The following LMX1B variants were observed in gnomAD, a reference collection of about 807,000 sequenced individuals.
LMX1B encodes LIM homeobox transcription factor 1 beta, also known as LIM homeobox transcription factor 1-beta.
A neutral mutation model predicts 51.4 loss-of-function variants in LMX1B; 12 were observed. The ratio of observed to expected loss-of-function variants is 0.23; its 90% CI spans 0.15 to 0.38. LMX1B has a LOEUF of 0.38. Among genes scored for constraint, LMX1B ranks in the 10% least tolerant of loss-of-function variants. The pLI, the probability that LMX1B is intolerant of heterozygous loss-of-function variation, is 1.00. For synonymous variants in LMX1B, 237 were observed against 235.4 expected (o/e 1.01, Z -0.06); for missense variants, 445 against 571.1 (o/e 0.78, Z 2.25).
Position 126,681,576 on chromosome 9 carries a change from C to CA in LMX1B, c.327-9260_327-9259insA, listed in dbSNP as rs1836672155. Among the ~76,000 whole-genome samples, 3 of 152,144 alleles carry CA rather than the reference C, an allele frequency of 2.0e-5. No individual in the cohort carries two copies. In the South Asian group the frequency reaches 6.2e-4, roughly 32 times the overall value. On this transcript the variant is annotated intron_variant, in intron 2 of 7. Coordinates refer to ENST00000373474, the MANE Select transcript of LMX1B (RefSeq NM_001174147.2). ...CTGCTCCTCCCTCTAACCCGGTGCC[C>CA]CCCCTACAGGTGCCTAAGGAACCTG...
In LMX1B at chr9:126,671,163, T is replaced by C. The variant is rs181895625; in HGVS notation, c.327-19673T>C. On this transcript the variant is annotated intron_variant, in intron 2 of 7. Coordinates refer to ENST00000373474, the MANE Select transcript of LMX1B (RefSeq NM_001174147.2). The surrounding 1 kb of genome is among the most constrained non-coding windows in gnomAD (Gnocchi z 4.4). Reference sequence around the variant, plus strand: ...CCAGCTCACCAGCCGTTGGCAGGAATTCAATCCCACCCCAGTAAACCCAGC... The same window carrying C: ...CCAGCTCACCAGCCGTTGGCAGGAACTCAATCCCACCCCAGTAAACCCAGC... 6.2e-4 allele frequency among the ~76,000 whole-genome samples: 95 copies of C among 152,266 alleles called. 3 individuals are homozygous for C. The East Asian group carries it at 0.016, about 25-fold the overall frequency.
chr9:126,620,285 G>A (rs1221619819), intron 2 of LMX1B, among the ~76,000 whole-genome samples: 3 of 152,140 alleles, frequency 2.0e-5, no homozygotes, highest in African/African-American at 7.2e-5. Context: ...CTTTAGACTC[G>A]GAGTCAGACC....
In LMX1B at chr9:126,614,339, C is replaced by T; in HGVS notation, c.-111C>T. The T allele has an allele frequency of 5.3e-6, 4 of 749,398 alleles. No individual in the cohort carries two copies. The highest frequency in any genetic ancestry group is 6.6e-6 in the Non-Finnish European group (4 of 605,852). The allele number at this position is 749,398 out of a possible 1,614,324, so 46.4% of individuals were successfully genotyped here. Reference sequence around the variant, plus strand: ...CGCCGGGGGCCGGCGCAACCCCTGCCCTGCGGGGGCCGCGCCTCCCCGGTT... The same window carrying T: ...CGCCGGGGGCCGGCGCAACCCCTGCTCTGCGGGGGCCGCGCCTCCCCGGTT... On this transcript the variant is annotated 5_prime_UTR_variant, in exon 1 of 8. Coordinates refer to ENST00000373474, the MANE Select transcript of LMX1B (RefSeq NM_001174147.2).
rs1836153316 is a variant in LMX1B, at chr9:126,658,079, A to C, written c.327-32757A>C. Among the ~76,000 whole-genome samples the C allele has an allele frequency of 2.6e-5, 4 of 152,014 alleles. No homozygotes were observed. The highest frequency in any genetic ancestry group is 6.6e-5 in the Admixed American group (1 of 15,262). ...ATGGGGAGGTCTTAGAAGAGGGGCC[A>C]AGGGACCTGAGTGGGAACAACCAAG... On this transcript the variant is annotated intron_variant, in intron 2 of 7. Transcript: ENST00000373474. The surrounding 1 kb of genome is among the most constrained non-coding windows in gnomAD (Gnocchi z 4.0).
At chr9:126,660,166 C>T (rs1451578388) in intron 2 of LMX1B, among the ~76,000 whole-genome samples, 15 of 94,208 alleles carry the variant, frequency 1.6e-4, no homozygotes, top group African/African-American at 2.3e-4. Context: ...TAGAGATTGT[C>T]CTGTGTGGGG....
At chr9:126,684,164 C>T (rs1836729117) in intron 2 of LMX1B, among the ~76,000 whole-genome samples, 1 of 152,132 alleles carries the variant, frequency 6.6e-6, no homozygotes, top group Non-Finnish European at 1.5e-5. Flanking sequence ...AAGGTGTTTC[C>T]AGCAGTGGTT....
chr9:126,683,785 A>G (rs1836721526), intron 2 of LMX1B, among the ~76,000 whole-genome samples: 2 of 152,220 alleles, frequency 1.3e-5, no homozygotes, highest in African/African-American at 4.8e-5. Context: ...CAAATGGGAA[A>G]ACCAGTTCAG....
intron 2 of LMX1B, among the ~76,000 whole-genome samples, chr9:126,639,009 T>G (rs1835763709): frequency 7.2e-6 from 1 of 138,268 alleles, no homozygotes. Context: ...GAAGGAGAAT[T>G]GGAGAGGAGA....
chr9:126,690,802 G>C, intron 2 of LMX1B, 34 bp from the exon 3 acceptor site: 1 of 1,561,264 alleles, frequency 6.4e-7, no homozygotes, highest in Middle Eastern at 1.7e-4. Context: ...GGACTTCTGA[G>C]CACCGCCAAC....
intron 3 of LMX1B, 56 bp from the exon 4 acceptor site, chr9:126,693,086 C>A: frequency 2.0e-6 from 3 of 1,527,276 alleles, no homozygotes; most frequent in Non-Finnish European, 1.8e-6. Flanking sequence ...GGGGACAAGG[C>A]TGAGGCCTGG....
intron 3 of LMX1B, among the ~76,000 whole-genome samples, chr9:126,691,537 T>C (rs531872381): frequency 6.9e-4 from 105 of 152,328 alleles, no homozygotes; most frequent in African/African-American, 2.5e-3. Flanking sequence ...GCTGCACATA[T>C]ATGTTTGTCC....
chr9:126,628,361 T>C (rs182580782), intron 2 of LMX1B, among the ~76,000 whole-genome samples: 1 of 152,326 alleles, frequency 6.6e-6, no homozygotes, highest in African/African-American at 2.4e-5. Flanking sequence ...AGAGGACATG[T>C]GGTTTGGGTC....
chr9:126,682,083 CTTTTTT>C (rs71377953), intron 2 of LMX1B, among the ~76,000 whole-genome samples: 8 of 53,380 alleles, frequency 1.5e-4, no homozygotes, highest in African/African-American at 4.3e-4. Flanking sequence ...TCCCCAGGGT[CTTTTTT>C]TTTTTTTTTT....
In LMX1B at chr9:126,658,512, ATCC is replaced by A. The variant is rs1430953939; in HGVS notation, c.327-32321_327-32319del. Reference sequence around the variant, plus strand: ...AAGGACTAATTAGATATAATTCATTATCCTCAAAAATGAGATCAGAAATCAGGA... The same window carrying A: ...AAGGACTAATTAGATATAATTCATTATCAAAAATGAGATCAGAAATCAGGA... On this transcript the variant is annotated intron_variant, in intron 2 of 7. Coordinates refer to ENST00000373474, the MANE Select transcript of LMX1B (RefSeq NM_001174147.2). This position sits in a 1 kb window ranked among gnomAD's most constrained non-coding sequence, Gnocchi z 4.0. 6.6e-6 allele frequency among the ~76,000 whole-genome samples: 1 copy of A among 152,180 alleles called. No individual in the cohort carries two copies. The highest frequency in any genetic ancestry group is 1.5e-5 in the Non-Finnish European group (1 of 68,046).
chr9:126,647,042 T>C (rs959472972), intron 2 of LMX1B, among the ~76,000 whole-genome samples: 1 of 152,166 alleles, frequency 6.6e-6, no homozygotes, highest in Non-Finnish European at 1.5e-5. Context: ...TGACCAAATA[T>C]TGTTTTAAAA....
intron 2 of LMX1B, among the ~76,000 whole-genome samples, chr9:126,678,322 C>A (rs2417028): frequency 0.12 from 13,988 of 119,074 alleles, 809 homozygotes; most frequent in African/African-American, 0.24. Context: ...AAAAAAAAAA[C>A]AAAAAACAAA....
chr9:126,616,660 C>G (rs1835308368), intron 2 of LMX1B, among the ~76,000 whole-genome samples: 1 of 152,186 alleles, frequency 6.6e-6, no homozygotes, highest in South Asian at 2.1e-4. Flanking sequence ...TGTGTATGCC[C>G]AAGCCTCCAG....
At chr9:126,647,035 C>G (rs1835915301) in intron 2 of LMX1B, among the ~76,000 whole-genome samples, 1 of 152,162 alleles carries the variant, frequency 6.6e-6, no homozygotes, top group Non-Finnish European at 1.5e-5. Flanking sequence ...ACTCTTTTGA[C>G]CAAATATTGT....
At chr9:126,660,786 C>T (rs776167131) in intron 2 of LMX1B, among the ~76,000 whole-genome samples, 16 of 152,272 alleles carry the variant, frequency 1.1e-4, no homozygotes, top group South Asian at 2.1e-4. Context: ...TCCCTGAGCC[C>T]GTAGTGTGGC....
Sources: allele counts gnomAD v4.1 joint callset (sites outside exome capture counted in the v4.1 genomes callset), GRCh38; gene constraint gnomAD v4.1.1; non-coding constraint Gnocchi (gnomAD v3.1); transcripts MANE v1.5; gene names NCBI Gene and HGNC (gene_info 2026-07-23, HGNC 2026-07-21).